The following CCBE1 variants were observed in gnomAD, a reference collection of about 807,000 sequenced individuals.
CCBE1 encodes the protein collagen and calcium binding EGF domains 1.
CCBE1 carries 37 observed loss-of-function variants against 50.0 expected under a neutral mutation model. The observed-to-expected ratio is 0.74, with a 90% CI of 0.57 to 0.97. CCBE1 has a LOEUF of 0.97. Ranked by LOEUF, CCBE1 falls within the 50% of genes least tolerant of loss-of-function variation. CCBE1 has a pLI of 0.00. For missense variants in CCBE1, 538 were observed against 523.8 expected (o/e 1.03, Z -0.26); for synonymous variants, 234 against 203.7 (o/e 1.15, Z -1.27).
At chr18:59,597,523 T>G (rs937951662) in intron 2 of CCBE1, among the ~76,000 whole-genome samples, 1 of 151,988 alleles carries the variant, frequency 6.6e-6, no homozygotes, top group African/African-American at 2.4e-5. Flanking sequence ...CCAAGGCTCA[T>G]TGGGTTGAGG....
At chr18:59,693,075 C>G (rs1002888735) in intron 2 of CCBE1, among the ~76,000 whole-genome samples, 1 of 151,914 alleles carries the variant, frequency 6.6e-6, no homozygotes, top group African/African-American at 2.4e-5. Context: ...TCAGTTGGAG[C>G]GAGCATACCC....
At chr18:59,579,647 C>A (rs1056397787) in intron 2 of CCBE1, among the ~76,000 whole-genome samples, 1 of 152,212 alleles carries the variant, frequency 6.6e-6, no homozygotes, top group African/African-American at 2.4e-5. Flanking sequence ...CTCGGCGGTT[C>A]CTACATGCTC....
At chr18:59,679,352 G>T (rs996905069) in intron 2 of CCBE1, among the ~76,000 whole-genome samples, 21 of 152,182 alleles carry the variant, frequency 1.4e-4, no homozygotes, top group Middle Eastern at 3.2e-3. Flanking sequence ...GAAAAAAAAT[G>T]TTTAATATTT....
intron 2 of CCBE1, among the ~76,000 whole-genome samples, chr18:59,480,519 T>C (rs1307654954): frequency 6.6e-6 from 1 of 152,192 alleles, no homozygotes; most frequent in Non-Finnish European, 1.5e-5. Context: ...AAGATACTTA[T>C]ATTAAGCAAT....
At position 59,434,755 on chromosome 18, in the gene CCBE1, T is replaced by C. The variant is rs536122731; in HGVS notation, c.*1153A>G. On this transcript the variant is annotated 3_prime_UTR_variant, in exon 11 of 11. Coordinates refer to ENST00000439986, the MANE Select transcript of CCBE1 (RefSeq NM_133459.4). ...AACAAGGAAAACCACTATTTTTTTT[T>C]CTCCCCATCCAAGATAACTTTCAAT... 4 of 152,276 alleles carry C rather than the reference T, an allele frequency of 2.6e-5. No homozygotes were observed. Among genetic ancestry groups the C allele is most frequent in the African/African-American group, 7.2e-5 (3 of 41,550 alleles). The allele number at this position is 152,276 out of a possible 1,614,324, so 9.4% of individuals were successfully genotyped here. A position where few individuals can be genotyped will look rare whatever the true frequency, so the allele number is the denominator to read the frequency against.
chr18:59,550,949 G>A (rs1374836982), intron 2 of CCBE1, among the ~76,000 whole-genome samples: 2 of 138,234 alleles, frequency 1.4e-5, no homozygotes, highest in East Asian at 4.3e-4. Flanking sequence ...AGCTTGCACT[G>A]AGCTGAGATC....
intron 2 of CCBE1, among the ~76,000 whole-genome samples, chr18:59,585,076 T>A (rs2053158551): frequency 6.6e-6 from 1 of 152,062 alleles, no homozygotes; most frequent in South Asian, 2.1e-4. Context: ...GCTGTCCGAG[T>A]TGGAGTCACA....
chr18:59,631,253 C>A, intron 2 of CCBE1, among the ~76,000 whole-genome samples: 1 of 151,852 alleles, frequency 6.6e-6, no homozygotes, highest in Non-Finnish European at 1.5e-5. Flanking sequence ...AGGGGAGCAC[C>A]AGAAAGTAAT....
chr18:59,587,345 AT>A (rs1392523805), intron 2 of CCBE1, among the ~76,000 whole-genome samples: 1 of 152,246 alleles, frequency 6.6e-6, no homozygotes, highest in African/African-American at 2.4e-5. Flanking sequence ...ACTGAAAACA[AT>A]AAAAAGGACT....
chr18:59,672,947 C>T lies in CCBE1; in HGVS notation c.212+23682G>A, dbSNP rs1182589050. ...AGGTACATCAAGATCTCACAAATCA[C>T]CGCTAAAGAACTTACTCATGTAACC... On this transcript the variant is annotated intron_variant, in intron 2 of 10. Coordinates refer to ENST00000439986, the MANE Select transcript of CCBE1 (RefSeq NM_133459.4). Among the ~76,000 whole-genome samples the T allele has an allele frequency of 5.3e-5, 8 of 152,020 alleles. No individual in the cohort carries two copies. In the East Asian group the frequency reaches 1.5e-3, roughly 29 times the overall value.
In CCBE1 at chr18:59,449,896, T is replaced by C. The variant is rs535863527; in HGVS notation, c.655-1793A>G. 1.2e-3 allele frequency among the ~76,000 whole-genome samples: 188 copies of C among 152,282 alleles called. 1 individual carries two copies. Among genetic ancestry groups the C allele is most frequent in the African/African-American group, 4.1e-3 (172 of 41,558 alleles). Reference sequence around the variant, plus strand: ...AAGTGACGAGGTAAGGTGGCAAATGTTGACCTCAGTGTCCCGGCTGACCTC... The same window carrying C: ...AAGTGACGAGGTAAGGTGGCAAATGCTGACCTCAGTGTCCCGGCTGACCTC... On this transcript the variant is annotated intron_variant, in intron 6 of 10. Transcript: ENST00000439986.
chr18:59,444,134 T>TTATCCATTGATGGACACCTGGGTTA (rs146698851), intron 7 of CCBE1, among the ~76,000 whole-genome samples: 17,596 of 151,426 alleles, frequency 0.12, 1,581 homozygotes, highest in African/African-American at 0.24. Flanking sequence ...TTTTCCATTC[T>TTATCCATTGATGGACACCTGGGTTA]TATCCATTGA....
chr18:59,452,103 C>T (rs572188774), intron 6 of CCBE1, among the ~76,000 whole-genome samples: 129 of 152,300 alleles, frequency 8.5e-4, no homozygotes, highest in African/African-American at 3.1e-3. Context: ...TTTGACCTGT[C>T]GTGTTTCCCA....
chr18:59,599,770 G>A (rs1163425325), intron 2 of CCBE1, among the ~76,000 whole-genome samples: 1 of 152,130 alleles, frequency 6.6e-6, no homozygotes, highest in Admixed American at 6.5e-5. Flanking sequence ...ACATAGCTGG[G>A]GGTCTATGGA....
intron 2 of CCBE1, among the ~76,000 whole-genome samples, chr18:59,591,689 C>CA (rs1276894486): frequency 6.6e-6 from 1 of 152,148 alleles, no homozygotes; most frequent in Non-Finnish European, 1.5e-5. Flanking sequence ...CAGGCACACT[C>CA]ATACATTGCT....
intron 2 of CCBE1, among the ~76,000 whole-genome samples, chr18:59,565,534 C>G (rs1256203797): frequency 1.3e-5 from 2 of 152,194 alleles, no homozygotes; most frequent in Non-Finnish European, 2.9e-5. Context: ...CCACTGAGGC[C>G]TACTGCACAT....
At chr18:59,611,857 G>C (rs2053573391) in intron 2 of CCBE1, among the ~76,000 whole-genome samples, 1 of 152,304 alleles carries the variant, frequency 6.6e-6, no homozygotes, top group South Asian at 2.1e-4. Flanking sequence ...TACGCATCAA[G>C]TTCAGAGTTA....
chr18:59,578,757 A>G lies in CCBE1; in HGVS notation c.213-98519T>C, dbSNP rs564269623. On this transcript the variant is annotated intron_variant, in intron 2 of 10. Coordinates refer to ENST00000439986, the MANE Select transcript of CCBE1 (RefSeq NM_133459.4). Reference sequence around the variant, plus strand: ...AGTGGGAGTTGAACAATGAGAACACATGGACACAAGGAGGGGAGTATCACA... The same window carrying G: ...AGTGGGAGTTGAACAATGAGAACACGTGGACACAAGGAGGGGAGTATCACA... Among the ~76,000 whole-genome samples, 15 of 152,338 alleles carry G rather than the reference A, an allele frequency of 9.8e-5. No homozygotes were observed. In the South Asian group the frequency reaches 3.1e-3, roughly 32 times the overall value.
chr18:59,467,353 A>T lies in CCBE1; in HGVS notation c.401-462T>A, dbSNP rs75342757. ...TTTCCCTTTATGGTATAGGTTCCAA[A>T]CAGCATGACGATGACCCCACAGGTC... is the stretch of plus-strand genomic sequence containing the variant. On this transcript the variant is annotated intron_variant, in intron 4 of 10. Coordinates refer to ENST00000439986, the MANE Select transcript of CCBE1 (RefSeq NM_133459.4). 3.9e-3 allele frequency among the ~76,000 whole-genome samples: 591 copies of T among 152,290 alleles called. 11 individuals are homozygous for T. The highest frequency in any genetic ancestry group is 0.013 in the African/African-American group (523 of 41,556).
Sources: allele counts gnomAD v4.1 joint callset (sites outside exome capture counted in the v4.1 genomes callset), GRCh38; gene constraint gnomAD v4.1.1; transcripts MANE v1.5; gene names NCBI Gene and HGNC (gene_info 2026-07-23, HGNC 2026-07-21).